SLC25A27: variants seen among roughly 807,000 people sequenced by gnomAD.
The protein encoded by SLC25A27 is solute carrier family 25 member 27.
In SLC25A27, 35 loss-of-function variants were observed where a neutral mutation model predicts 49.1. The observed-to-expected ratio is 0.71, with a 90% CI of 0.54 to 0.95. The LOEUF (loss-of-function observed/expected upper bound fraction) is 0.95, where lower values mean the gene tolerates loss of function less well. Among genes scored for constraint, SLC25A27 ranks in the 40% least tolerant of loss-of-function variants. The pLI, the probability that SLC25A27 is intolerant of heterozygous loss-of-function variation, is 0.00. For missense variants in SLC25A27, 339 were observed against 397.1 expected (o/e 0.85, Z 1.24); for synonymous variants, 144 against 136.9 (o/e 1.05, Z -0.36).
chr6:46,669,042 C>G (rs542853249), intron 6 of SLC25A27, among the ~76,000 whole-genome samples: 1 of 152,268 alleles, frequency 6.6e-6, no homozygotes, highest in South Asian at 2.1e-4. Context: ...ATCCCAGGAA[C>G]AGGCTATGAT....
In SLC25A27 at chr6:46,655,936, C is replaced by A. The variant is rs746482027; in HGVS notation, c.200C>A (p.Pro67His). The A allele has an allele frequency of 6.2e-7, 1 of 1,613,886 alleles. No homozygotes were observed. Among genetic ancestry groups the A allele is most frequent in the South Asian group, 1.1e-5 (1 of 91,054 alleles). Residue 67 changes from proline to histidine, a missense_variant, in exon 2 of 9, where the codon CCC becomes CAC. Coordinates refer to ENST00000371347, the MANE Select transcript of SLC25A27 (RefSeq NM_004277.5). ...RLGDGARESA[P>H]YRGMVRTALG... Reference sequence around the variant, plus strand: ...GGAGACGGTGCAAGAGAATCTGCCCCCTATAGGGGAATGGTGCGCACAGCT... The same window carrying A: ...GGAGACGGTGCAAGAGAATCTGCCCACTATAGGGGAATGGTGCGCACAGCT...
chr6:46,676,642 A>T lies in SLC25A27; in HGVS notation c.*188A>T, dbSNP rs752263053. On this transcript the variant is annotated 3_prime_UTR_variant, in exon 9 of 9. Transcript: ENST00000371347. ...TTCTCTTTGACTCCTCTTTTTGTCC[A>T]AAAGTGATCTGGTCGGATCTCACAA... The T allele has an allele frequency of 1.5e-5, 23 of 1,550,958 alleles. No individual in the cohort carries two copies. Among genetic ancestry groups the T allele is most frequent in the Non-Finnish European group, 1.7e-6 (2 of 1,147,042 alleles).
intron 1 of SLC25A27, 117 bp from the exon 2 acceptor site, chr6:46,655,726 A>T (rs1762956534): frequency 1.2e-6 from 1 of 824,094 alleles, no homozygotes; most frequent in Non-Finnish European, 1.9e-6. Flanking sequence ...GCTGATTCTG[A>T]TATATTCTAA....
intron 2 of SLC25A27, chr6:46,658,674 GT>G: frequency 2.4e-6 from 1 of 421,364 alleles, no homozygotes; most frequent in East Asian, 5.1e-5. Context: ...TGAAAAACAT[GT>G]TTTTGAGTTG....
intron 1 of SLC25A27, among the ~76,000 whole-genome samples, chr6:46,654,841 C>T (rs145900976): frequency 0.015 from 2,268 of 152,204 alleles, 22 homozygotes; most frequent in Middle Eastern, 0.031. Context: ...TATTCACTTC[C>T]CTTCCCCACA....
intron 3 of SLC25A27, among the ~76,000 whole-genome samples, chr6:46,659,579 C>T (rs1012304605): frequency 3.3e-5 from 5 of 152,156 alleles, no homozygotes; most frequent in Admixed American, 6.5e-5. Flanking sequence ...ACACGCTGGG[C>T]GGGGTGGCTC....
At chr6:46,662,738 G>A (rs544675696) in intron 4 of SLC25A27, among the ~76,000 whole-genome samples, 1 of 152,292 alleles carries the variant, frequency 6.6e-6, no homozygotes, top group Non-Finnish European at 1.5e-5. Flanking sequence ...TCCCAGCCAA[G>A]GCTAGACTTG....
chr6:46,676,310 A>C (rs1464364732), intron 8 of SLC25A27, 73 bp from the exon 9 acceptor site: 17 of 1,367,162 alleles, frequency 1.2e-5, no homozygotes, highest in Non-Finnish European at 1.6e-5. Context: ...TCATTCAAAT[A>C]TATGTATGCA....
intron 2 of SLC25A27, chr6:46,658,635 A>G (rs1339384931): frequency 2.6e-6 from 1 of 388,828 alleles, no homozygotes; most frequent in African/African-American, 2.1e-5. Flanking sequence ...TTTCTAATCA[A>G]TATGATAAAA....
intron 8 of SLC25A27, among the ~76,000 whole-genome samples, chr6:46,673,209 C>CT (rs541797429): frequency 3.7e-4 from 56 of 152,334 alleles, no homozygotes; most frequent in African/African-American, 1.3e-3. Context: ...TACTGAATCA[C>CT]TTGGTATATG....
At chr6:46,670,807 C>T (rs966486273) in intron 7 of SLC25A27, among the ~76,000 whole-genome samples, 6 of 152,078 alleles carry the variant, frequency 3.9e-5, no homozygotes, top group South Asian at 2.1e-4. Context: ...CGTGATCTCC[C>T]GCTCACTGCA....
At chr6:46,658,058 A>G (rs1312328474) in intron 2 of SLC25A27, among the ~76,000 whole-genome samples, 3 of 152,224 alleles carry the variant, frequency 2.0e-5, no homozygotes, top group African/African-American at 7.2e-5. Flanking sequence ...TTTTCTCCTC[A>G]TAATGTTTCC....
chr6:46,653,595 C>T, intron 1 of SLC25A27: 8 of 985,402 alleles, frequency 8.1e-6, no homozygotes, highest in Non-Finnish European at 9.6e-6. Context: ...AATCATTTTC[C>T]TTTTCATGAG....
chr6:46,658,566 A>G (rs941756718), intron 2 of SLC25A27: 1 of 424,538 alleles, frequency 2.4e-6, no homozygotes, highest in South Asian at 1.7e-5. Context: ...AAAAACAAAC[A>G]CATAGAGCCT....
At chr6:46,670,568 T>A in intron 7 of SLC25A27, 1 of 249,490 alleles carries the variant, frequency 4.0e-6, no homozygotes, top group Non-Finnish European at 7.6e-6. Flanking sequence ...TGATTTGATA[T>A]GAAATAGTAT....
intron 2 of SLC25A27, among the ~76,000 whole-genome samples, chr6:46,656,607 C>T (rs1219136517): frequency 2.0e-5 from 3 of 152,118 alleles, no homozygotes; most frequent in East Asian, 3.9e-4. Flanking sequence ...TTAGTAGAGA[C>T]GGGGTTTCAC....
intron 5 of SLC25A27, among the ~76,000 whole-genome samples, chr6:46,668,139 G>A (rs1476774557): frequency 2.6e-5 from 4 of 152,170 alleles, no homozygotes; most frequent in Admixed American, 2.6e-4. Flanking sequence ...GAGCTCCGGA[G>A]TTGGAGACCA....
intron 1 of SLC25A27, chr6:46,653,778 TTGAGTG>T: frequency 1.2e-5 from 12 of 985,080 alleles, no homozygotes; most frequent in Non-Finnish European, 1.4e-5. Flanking sequence ...CTTGACCTCT[TTGAGTG>T]TAATTCATCT....
chr6:46,662,476 A>AAACT lies in SLC25A27; in HGVS notation c.485_488dup (p.Glu164ThrfsTer21). Reference sequence around the variant, plus strand: ...TCAGATGCAAATGGAAGGAAAAAGGAAACTGGAAGGAAAACCATTGCGGTA... The same window carrying AAACT: ...TCAGATGCAAATGGAAGGAAAAAGGAAACTAACTGGAAGGAAAACCATTGCGGTA... On this transcript the variant is annotated frameshift_variant, in exon 4 of 9. Coordinates refer to ENST00000371347, the MANE Select transcript of SLC25A27 (RefSeq NM_004277.5). LOFTEE classifies it high-confidence loss of function. 6.2e-7 allele frequency: 1 copy of AAACT among 1,614,010 alleles called. No individual in the cohort carries two copies.
Sources: allele counts gnomAD v4.1 joint callset (sites outside exome capture counted in the v4.1 genomes callset), GRCh38; gene constraint gnomAD v4.1.1; transcripts MANE v1.5; gene names NCBI Gene and HGNC (gene_info 2026-07-23, HGNC 2026-07-21).